ANKRD6: variants seen among roughly 807,000 people sequenced by gnomAD.
ANKRD6 encodes the protein ankyrin repeat domain-containing protein 6.
ANKRD6 carries 56 observed loss-of-function variants against 82.3 expected under a neutral mutation model. That is an observed-to-expected ratio of 0.68 (90% confidence interval 0.55 to 0.85). ANKRD6 has a LOEUF of 0.85. Among genes scored for constraint, ANKRD6 ranks in the 40% least tolerant of loss-of-function variants. The probability of loss-of-function intolerance (pLI) is 0.00; values close to 1 mark genes in which losing one functional copy is unlikely to be tolerated. For synonymous variants in ANKRD6, 347 were observed against 352.1 expected (o/e 0.99, Z 0.16); for missense variants, 852 against 907.6 (o/e 0.94, Z 0.79).
At chr6:89,603,769 C>T (rs889008825) in intron 4 of ANKRD6, among the ~76,000 whole-genome samples, 2 of 151,924 alleles carry the variant, frequency 1.3e-5, no homozygotes, top group Non-Finnish European at 2.9e-5. Flanking sequence ...GAGGATTGCT[C>T]GAGGCCAGGA....
intron 5 of ANKRD6, among the ~76,000 whole-genome samples, chr6:89,608,382 A>ATATATATATATATATT (rs1181597705): frequency 9.5e-6 from 1 of 104,772 alleles, no homozygotes; most frequent in East Asian, 2.3e-4. Context: ...ATATATATAT[A>ATATATATATATATATT]TATGTACAAT....
chr6:89,477,742 C>G (rs940661758), intron 1 of ANKRD6, among the ~76,000 whole-genome samples: 1 of 148,372 alleles, frequency 6.7e-6, no homozygotes, highest in African/African-American at 2.5e-5. Flanking sequence ...CTGCACTCCA[C>G]CCTGGGCGAC....
intron 1 of ANKRD6, among the ~76,000 whole-genome samples, chr6:89,546,347 T>G (rs750060787): frequency 2.0e-5 from 3 of 152,180 alleles, no homozygotes; most frequent in Non-Finnish European, 4.4e-5. Flanking sequence ...AGTCAGAATC[T>G]TTCATATATA....
chr6:89,628,961 T>C (rs1225603032), intron 14 of ANKRD6, 151 bp from the exon 15 acceptor site: 1 of 804,538 alleles, frequency 1.2e-6, no homozygotes, highest in Non-Finnish European at 1.9e-6. Context: ...ACCATAGCAG[T>C]GGGCAAGCCA....
At position 89,459,863 on chromosome 6, in the gene ANKRD6, C is replaced by G. The variant is rs151115015; in HGVS notation, c.-144+26488C>G. Among the ~76,000 whole-genome samples, 5 of 152,184 alleles carry G rather than the reference C, an allele frequency of 3.3e-5. No individual in the cohort carries two copies. The East Asian group carries it at 9.7e-4, about 29-fold the overall frequency. Reference sequence around the variant, plus strand: ...AAGGAGACGTATCAGGCTCTATCTTCTTTCCATAAACATTTACTCTGCTTA... The same window carrying G: ...AAGGAGACGTATCAGGCTCTATCTTGTTTCCATAAACATTTACTCTGCTTA... On this transcript the variant is annotated intron_variant, in intron 1 of 15. Transcript: ENST00000339746.
At chr6:89,470,338 G>A (rs1775296650) in intron 1 of ANKRD6, among the ~76,000 whole-genome samples, 1 of 152,164 alleles carries the variant, frequency 6.6e-6, no homozygotes, top group South Asian at 2.1e-4. Flanking sequence ...TGATTAATAG[G>A]CCAAGCACAG....
intron 1 of ANKRD6, among the ~76,000 whole-genome samples, chr6:89,490,177 G>T (rs544403149): frequency 2.6e-4 from 40 of 152,318 alleles, no homozygotes; most frequent in Admixed American, 1.3e-3. Context: ...TGCTTTTCTA[G>T]TTGTTGGTCA....
chr6:89,464,184 T>C (rs992866242), intron 1 of ANKRD6, among the ~76,000 whole-genome samples: 2 of 152,138 alleles, frequency 1.3e-5, no homozygotes, highest in Non-Finnish European at 2.9e-5. Flanking sequence ...AATAAGTTAA[T>C]TGTAACACTA....
Position 89,606,049 on chromosome 6 carries a change from A to G in ANKRD6, c.361A>G (p.Ser121Gly). 1 of 1,595,586 alleles carries G rather than the reference A, an allele frequency of 6.3e-7. No individual in the cohort carries two copies. The change falls in exon 5 of 16, where the codon AGC becomes GGC. Residue 121 changes from serine to glycine, a missense_variant. Physicochemically the swap from Ser to Gly is moderately conservative, Grantham distance 56 (BLOSUM62 0). Transcript: ENST00000339746. ...GCATGAAGCATCCTGGCATGGTTTC[A>G]GCCAGTCAGCCAAGCTGCTCATTAA... ...ALHEASWHGFSQSAKLLIKAG... is the reference protein window; with the variant it reads ...ALHEASWHGFGQSAKLLIKAG...
At chr6:89,539,247 GTTAA>G (rs1201945853) in intron 1 of ANKRD6, among the ~76,000 whole-genome samples, 1 of 152,094 alleles carries the variant, frequency 6.6e-6, no homozygotes, top group African/African-American at 2.4e-5. Context: ...ATATCTTGGA[GTTAA>G]TTATGGATTT....
intron 13 of ANKRD6, 70 bp from the exon 14 acceptor site, chr6:89,627,513 C>A: frequency 2.1e-6 from 3 of 1,447,672 alleles, no homozygotes; most frequent in Non-Finnish European, 2.9e-6. Flanking sequence ...AGCCCCTCTG[C>A]AGGAGCTGAG....
At chr6:89,568,835 C>G (rs1393962118) in intron 2 of ANKRD6, among the ~76,000 whole-genome samples, 3 of 151,856 alleles carry the variant, frequency 2.0e-5, no homozygotes, top group African/African-American at 2.4e-5. Flanking sequence ...AACTGAGGAA[C>G]AAATCTCTTG....
chr6:89,460,896 G>A (rs895148978), intron 1 of ANKRD6, among the ~76,000 whole-genome samples: 1 of 115,004 alleles, frequency 8.7e-6, no homozygotes, highest in African/African-American at 3.6e-5. Flanking sequence ...TACTACATCG[G>A]TGTTTTGGAA....
At chr6:89,480,941 C>CAAAAAAAAA (rs372393432) in intron 1 of ANKRD6, among the ~76,000 whole-genome samples, 19,098 of 92,468 alleles carry the variant, frequency 0.21, 3,284 homozygotes, top group Non-Finnish European at 0.27. Flanking sequence ...GACCCTGTCT[C>CAAAAAAAAA]AAAAAAAAAA....
intron 1 of ANKRD6, among the ~76,000 whole-genome samples, chr6:89,502,361 A>G (rs973662267): frequency 1.2e-4 from 18 of 152,350 alleles, no homozygotes; most frequent in Admixed American, 2.6e-4. Flanking sequence ...ATAAAGAGAA[A>G]TAGACTGGGC....
intron 1 of ANKRD6, among the ~76,000 whole-genome samples, chr6:89,508,459 G>A (rs1484152745): frequency 6.6e-6 from 1 of 152,210 alleles, no homozygotes; most frequent in Non-Finnish European, 1.5e-5. Flanking sequence ...CCCAGCCAGG[G>A]CACAGGTGCA....
intron 1 of ANKRD6, among the ~76,000 whole-genome samples, chr6:89,488,619 G>C (rs189150749): frequency 4.6e-5 from 7 of 152,354 alleles, no homozygotes; most frequent in Admixed American, 1.3e-4. Flanking sequence ...GCTATGCTTA[G>C]TAAAGGCTGA....
Position 89,433,910 on chromosome 6 carries a change from G to T in ANKRD6, c.-144+535G>T, listed in dbSNP as rs1425716916. On this transcript the variant is annotated intron_variant, in intron 1 of 15. Transcript: ENST00000339746. The surrounding 1 kb of genome is among the most constrained non-coding windows in gnomAD (Gnocchi z 4.3). ...AGTGGCATCTCCCGGGGTCCAGAGA[G>T]TCGGCGTGCTGTCTGGTTTGGGTCC... Among the ~76,000 whole-genome samples the T allele has an allele frequency of 6.6e-6, 1 of 152,272 alleles. No individual in the cohort carries two copies. Among genetic ancestry groups the T allele is most frequent in the African/African-American group, 2.4e-5 (1 of 41,478 alleles).
At chr6:89,446,809 G>C (rs1470677680) in intron 1 of ANKRD6, among the ~76,000 whole-genome samples, 1 of 152,224 alleles carries the variant, frequency 6.6e-6, no homozygotes, top group Middle Eastern at 3.2e-3. Context: ...CATGGGGGCA[G>C]TTACCCTCGT....
Sources: gnomAD v4.1 joint callset for allele counts (sites outside exome capture counted in the v4.1 genomes callset) on GRCh38, gnomAD v4.1.1 for gene constraint, Gnocchi (gnomAD v3.1) non-coding constraint, MANE v1.5 for transcripts, NCBI Gene and HGNC (gene_info 2026-07-23, HGNC 2026-07-21) for gene names.